Variants in SNUPN observed in about 807,000 individuals in gnomAD.
SNUPN encodes snurportin-1.
SNUPN carries 31 observed loss-of-function variants against 39.2 expected under a neutral mutation model. The observed-to-expected ratio is 0.79, with a 90% CI of 0.59 to 1.07. The LOEUF (loss-of-function observed/expected upper bound fraction) is 1.07. SNUPN is among the 50% of genes least tolerant of loss of function. SNUPN has a pLI of 0.00. For synonymous variants in SNUPN, 132 were observed against 159.0 expected, an observed-to-expected ratio of 0.83 and a Z score of 1.28; for missense variants, 382 against 434.2, an observed-to-expected ratio of 0.88 and a Z score of 1.07.
intron 7 of SNUPN, among the ~76,000 whole-genome samples, chr15:75,604,074 C>A (rs974042352): frequency 1.3e-5 from 2 of 152,038 alleles, no homozygotes; most frequent in Non-Finnish European, 1.5e-5. Flanking sequence ...ATGCATGTTC[C>A]TCCAGGACCT....
rs2075283671 is a variant in SNUPN at position 75,601,205 on chromosome 15, C to G, written c.692G>C (p.Gly231Ala). 3.1e-6 allele frequency: 5 copies of G among 1,611,386 alleles called. No homozygotes were observed. In the East Asian group the frequency reaches 1.1e-4, roughly 36 times the overall value. The change falls in exon 8 of 9, where the codon GGG becomes GCG. Residue 231 changes from glycine to alanine, a missense_variant. Transcript: ENST00000308588. ...KTKLNPFKFV[G>A]LKNFPCTPES... ...GGGAGTGCAAGGGAAGTTCTTTAGC[C>G]CCACAAATTTAAACTGAAATAGAAA...
At chr15:75,607,396 A>G (rs1300019744) in intron 5 of SNUPN, 83 bp from the exon 6 acceptor site, 3 of 866,432 alleles carry the variant, frequency 3.5e-6, no homozygotes, top group Non-Finnish European at 5.9e-6. Context: ...GCCCCATCCC[A>G]GAGGCTTGAG....
chr15:75,608,212 T>C (rs1228834064), intron 5 of SNUPN, among the ~76,000 whole-genome samples: 1 of 151,946 alleles, frequency 6.6e-6, no homozygotes, highest in East Asian at 1.9e-4. Flanking sequence ...CAAAACCCCA[T>C]CTCTACCAAA....
chr15:75,625,427 G>C (rs1319163440), intron 1 of SNUPN: 1 of 151,498 alleles, frequency 6.6e-6, no homozygotes, highest in African/African-American at 2.4e-5. Context: ...TCTAGGCATG[G>C]GGTCATCTAG....
Position 75,598,161 on chromosome 15 carries a change from T to C in SNUPN, c.*197A>G. 1.8e-6 allele frequency: 1 copy of C among 559,476 alleles called. No individual in the cohort carries two copies. The highest frequency in any genetic ancestry group is 2.8e-5 in the East Asian group (1 of 35,270). The allele number at this position is 559,476 out of a possible 1,614,324, so 34.7% of individuals were successfully genotyped here. A position where few individuals can be genotyped will look rare whatever the true frequency, so the allele number is the denominator to read the frequency against. On this transcript the variant is annotated 3_prime_UTR_variant, in exon 9 of 9. Transcript: ENST00000308588. ...ACAGTAGGAGCTGCTCAAATCAATC[T>C]GAATGCTACGCAATCTGGGAACCTC...
chr15:75,621,805 A>T (rs1293801160), intron 1 of SNUPN, among the ~76,000 whole-genome samples: 1 of 152,078 alleles, frequency 6.6e-6, no homozygotes. Context: ...TGGGAGGCCG[A>T]GGTGGGTGGA....
intron 1 of SNUPN, chr15:75,625,246 TCC>T (rs1182389634): frequency 5.7e-5 from 1 of 17,696 alleles, no homozygotes; most frequent in East Asian, 1.9e-3. Flanking sequence ...CCCTCCCCCA[TCC>T]CCTTCCCCCT....
intron 7 of SNUPN, among the ~76,000 whole-genome samples, chr15:75,603,276 T>C (rs539776261): frequency 3.4e-5 from 5 of 147,046 alleles, no homozygotes; most frequent in African/African-American, 1.3e-4. Context: ...CTCGATCTCC[T>C]GACCTCGTGA....
intron 5 of SNUPN, among the ~76,000 whole-genome samples, chr15:75,607,730 G>C (rs1322837641): frequency 6.6e-6 from 1 of 152,130 alleles, no homozygotes; most frequent in East Asian, 1.9e-4. Flanking sequence ...TTACCATTTG[G>C]TTAAGGGGAT....
At chr15:75,609,699 C>T (rs367546974) in intron 4 of SNUPN, 48 bp from the exon 5 acceptor site, 68 of 1,381,250 alleles carry the variant, frequency 4.9e-5, no homozygotes, top group Middle Eastern at 1.9e-4. Flanking sequence ...AAGGTCTCCT[C>T]GCCCTCTTGC....
rs1327425252 is a variant in SNUPN, at chr15:75,609,599, G to A, written c.461C>T (p.Ser154Leu). The A allele has an allele frequency of 1.2e-6, 2 of 1,614,078 alleles. No individual in the cohort carries two copies. The highest frequency in any genetic ancestry group is 1.6e-4 in the Middle Eastern group (1 of 6,062). ...TCGCCTGTTGCCTCCTGGCAGAAGT[G>A]AAGAAAACCTGTTGACACAGTAGCC... is the stretch of plus-strand genomic sequence containing the variant. ...KSGYCVNRFS[S>L]LLPGGNRRNS... Residue 154 changes from serine to leucine, a missense_variant, in exon 5 of 9, where the codon TCA becomes TTA. Transcript: ENST00000308588.
rs549339035 is a variant in SNUPN at position 75,606,416 on chromosome 15, C to T, written c.600+800G>A. Among the ~76,000 whole-genome samples, 10 of 151,948 alleles carry T rather than the reference C, an allele frequency of 6.6e-5. No homozygotes were observed. The East Asian group carries it at 9.7e-4, about 15-fold the overall frequency. On this transcript the variant is annotated intron_variant, in intron 6 of 8. Transcript: ENST00000308588. The stretch of plus-strand genomic sequence containing the variant: ...ATCAGCCTCAGGCCCATTTCTACAA[C>T]GTTCTGATATGCCTGGTCTGGAGAC...
At chr15:75,618,084 T>C (rs1892981569) in intron 2 of SNUPN, among the ~76,000 whole-genome samples, 2 of 151,938 alleles carry the variant, frequency 1.3e-5, no homozygotes, top group South Asian at 4.2e-4. Context: ...TTCCTCAGAG[T>C]TTCCTAAGAA....
At chr15:75,609,148 A>C (rs1337900687) in intron 5 of SNUPN, among the ~76,000 whole-genome samples, 2 of 151,100 alleles carry the variant, frequency 1.3e-5, no homozygotes, top group East Asian at 1.9e-4. Context: ...AAAAAAAAAA[A>C]ACAAAGATAA....
chr15:75,607,174 G>A (rs1174609409), intron 6 of SNUPN, 42 bp downstream of exon 6: 2 of 1,415,062 alleles, frequency 1.4e-6, no homozygotes, highest in Non-Finnish European at 2.0e-6. Flanking sequence ...CAGGAGGAGA[G>A]GAGAAGACAG....
intron 3 of SNUPN, among the ~76,000 whole-genome samples, chr15:75,613,051 A>G (rs1002415531): frequency 1.3e-5 from 2 of 152,032 alleles, no homozygotes; most frequent in South Asian, 2.1e-4. Context: ...AGGTCAGGAG[A>G]TCGAGACCAT....
chr15:75,622,254 A>G (rs1595990050), intron 1 of SNUPN: 1 of 629,936 alleles, frequency 1.6e-6, no homozygotes, highest in South Asian at 7.1e-5. Flanking sequence ...TTTTTAAAAA[A>G]TCTGATTGTT....
At chr15:75,622,540 C>T in intron 1 of SNUPN, 1 of 936,310 alleles carries the variant, frequency 1.1e-6, no homozygotes, top group Non-Finnish European at 1.3e-6. Flanking sequence ...CATTCAAGCG[C>T]CTGTGAGCCT....
At chr15:75,621,951 G>C (rs780706977) in intron 1 of SNUPN, among the ~76,000 whole-genome samples, 2 of 152,156 alleles carry the variant, frequency 1.3e-5, no homozygotes, top group Non-Finnish European at 2.9e-5. Context: ...CAGAAGAATC[G>C]CTTGAACCTG....
Sources: gnomAD v4.1 joint callset for allele counts (sites outside exome capture counted in the v4.1 genomes callset) on GRCh38, gnomAD v4.1.1 for gene constraint, MANE v1.5 for transcripts, NCBI Gene and HGNC (gene_info 2026-07-23, HGNC 2026-07-21) for gene names.